MKLN1: variants seen among roughly 807,000 people sequenced by gnomAD.
The protein encoded by MKLN1 is muskelin 1, also known as muskelin.
In MKLN1, 18 loss-of-function variants were observed where a neutral mutation model predicts 99.0. The ratio of observed to expected loss-of-function variants is 0.18; its 90% confidence interval spans 0.13 to 0.27. MKLN1 has a LOEUF of 0.27. Among genes scored for constraint, MKLN1 ranks in the 10% least tolerant of loss-of-function variants. MKLN1 has a pLI of 1.00. For missense variants in MKLN1, 621 were observed against 875.9 expected (o/e 0.71, Z 3.67); for synonymous variants, 288 against 293.2 (o/e 0.98, Z 0.18).
chr7:131,393,948 A>G (rs539922883), intron 4 of MKLN1, among the ~76,000 whole-genome samples: 1 of 152,128 alleles, frequency 6.6e-6, no homozygotes, highest in Admixed American at 6.5e-5. Flanking sequence ...TCTTAATGAG[A>G]CTTGGACCTG....
intron 1 of MKLN1, among the ~76,000 whole-genome samples, chr7:131,126,542 G>C (rs1374102480): frequency 1.3e-5 from 2 of 152,106 alleles, no homozygotes; most frequent in African/African-American, 4.8e-5. Flanking sequence ...TTAAATGGTG[G>C]TGCATCCTAC....
At chr7:131,358,311 TTTC>T (rs1486128114) in intron 1 of MKLN1, among the ~76,000 whole-genome samples, 2 of 152,212 alleles carry the variant, frequency 1.3e-5, no homozygotes, top group African/African-American at 4.8e-5. Context: ...ATCATATGAC[TTTC>T]TTCTTTAGCC....
At chr7:131,138,925 G>A (rs1795691377) in intron 1 of MKLN1, among the ~76,000 whole-genome samples, 2 of 152,124 alleles carry the variant, frequency 1.3e-5, no homozygotes, top group Non-Finnish European at 2.9e-5. Context: ...ATGTTTCCAC[G>A]AATCAAGTCA....
At chr7:131,481,930 A>G (rs965964359) in intron 17 of MKLN1, among the ~76,000 whole-genome samples, 21 of 152,168 alleles carry the variant, frequency 1.4e-4, no homozygotes, top group Non-Finnish European at 2.6e-4. Flanking sequence ...TTGTATGTAA[A>G]ATTTTAAAGA....
At chr7:131,287,462 G>A (rs1020647648) in intron 3 of MKLN1, among the ~76,000 whole-genome samples, 1 of 152,158 alleles carries the variant, frequency 6.6e-6, no homozygotes, top group South Asian at 2.1e-4. Context: ...AGGTCACATT[G>A]CCTCCTCCTT....
At chr7:131,431,728 AATTT>A (rs980602199) in intron 9 of MKLN1, among the ~76,000 whole-genome samples, 3 of 152,290 alleles carry the variant, frequency 2.0e-5, no homozygotes, top group African/African-American at 7.2e-5. Flanking sequence ...ATAATAAAAC[AATTT>A]ATTTATCTCA....
intron 3 of MKLN1, among the ~76,000 whole-genome samples, chr7:131,231,113 C>T (rs1341460339): frequency 2.4e-4 from 18 of 74,854 alleles, no homozygotes; most frequent in African/African-American, 7.9e-4. Context: ...GAGCAAGACT[C>T]TGTCTCAAAA....
intron 1 of MKLN1, 124 bp from the exon 2 acceptor site, chr7:131,375,300 G>T: frequency 3.2e-6 from 2 of 617,034 alleles, no homozygotes; most frequent in African/African-American, 3.7e-5. Flanking sequence ...ACTCTGTTTT[G>T]TTTTCTATTC....
At chr7:131,361,672 T>G (rs1485767513) in intron 1 of MKLN1, among the ~76,000 whole-genome samples, 1 of 151,798 alleles carries the variant, frequency 6.6e-6, no homozygotes, top group Non-Finnish European at 1.5e-5. Context: ...TAAGAACTTT[T>G]TCTAACTTTC....
intron 1 of MKLN1, among the ~76,000 whole-genome samples, chr7:131,140,194 C>T (rs1293520532): frequency 6.6e-6 from 1 of 152,184 alleles, no homozygotes; most frequent in African/African-American, 2.4e-5. Context: ...CTTTTTCTTG[C>T]TCGATCTCTT....
intron 16 of MKLN1, among the ~76,000 whole-genome samples, chr7:131,472,958 A>G (rs2398764): frequency 2.6e-5 from 4 of 151,364 alleles, no homozygotes; most frequent in Non-Finnish European, 4.4e-5. Flanking sequence ...AAAAAAAAAA[A>G]AAAAAAAGAA....
chr7:131,292,257 T>C (rs940264600), intron 3 of MKLN1, among the ~76,000 whole-genome samples: 3 of 152,136 alleles, frequency 2.0e-5, no homozygotes, highest in Non-Finnish European at 4.4e-5. Flanking sequence ...ATTTAAAAAG[T>C]TGGGGAAGGG....
At chr7:131,402,615 A>G (rs1197648199) in intron 6 of MKLN1, among the ~76,000 whole-genome samples, 1 of 152,190 alleles carries the variant, frequency 6.6e-6, no homozygotes, top group Non-Finnish European at 1.5e-5. Flanking sequence ...TGTTTCTTAA[A>G]TAATAAGATT....
intron 1 of MKLN1, among the ~76,000 whole-genome samples, chr7:131,338,219 C>A (rs922221400): frequency 1.3e-5 from 2 of 152,228 alleles, no homozygotes; most frequent in African/African-American, 4.8e-5. Context: ...GCTGATAAAT[C>A]CCTTAAGAGG....
chr7:131,384,552 G>A (rs1415930510), intron 2 of MKLN1, among the ~76,000 whole-genome samples: 1 of 152,090 alleles, frequency 6.6e-6, no homozygotes, highest in Non-Finnish European at 1.5e-5. Flanking sequence ...TGTAGTTTAA[G>A]ACTTCAGGCC....
chr7:131,221,579 G>T (rs1181808095), intron 3 of MKLN1, among the ~76,000 whole-genome samples: 1 of 150,096 alleles, frequency 6.7e-6, no homozygotes, highest in Non-Finnish European at 1.5e-5. Context: ...CATGATTTAG[G>T]CTCACTGCAA....
rs1482564824 is a variant in MKLN1, at chr7:131,350,563, T to C, written c.98+22566T>C. Among the ~76,000 whole-genome samples, 3 of 152,190 alleles carry C rather than the reference T, an allele frequency of 2.0e-5. No individual in the cohort carries two copies. The East Asian group carries it at 5.8e-4, about 29-fold the overall frequency. On this transcript the variant is annotated intron_variant, in intron 1 of 17. Coordinates refer to ENST00000352689, the MANE Select transcript of MKLN1 (RefSeq NM_013255.5). The stretch of plus-strand genomic sequence containing the variant: ...AGTGGGGAAAGATCTGCCTCTAAGC[T>C]TATTTGATTGTTGGCAGGATTCAGT...
chr7:131,265,010 T>A (rs934982848), intron 3 of MKLN1, among the ~76,000 whole-genome samples: 2 of 152,110 alleles, frequency 1.3e-5, no homozygotes, highest in African/African-American at 4.8e-5. Flanking sequence ...GGCTAATTTT[T>A]TTGTATTTTT....
chr7:131,418,369 C>CAAAAAAAAAAAAA, intron 8 of MKLN1, among the ~76,000 whole-genome samples: 1 of 54,784 alleles, frequency 1.8e-5, no homozygotes, highest in Non-Finnish European at 4.0e-5. Flanking sequence ...GACTTCGTCT[C>CAAAAAAAAAAAAA]AAAAAAAAAA....
Sources: gnomAD v4.1 joint callset for allele counts (sites outside exome capture counted in the v4.1 genomes callset) on GRCh38, gnomAD v4.1.1 for gene constraint, MANE v1.5 for transcripts, NCBI Gene and HGNC (gene_info 2026-07-23, HGNC 2026-07-21) for gene names.